The following FRMD3 variants were observed in gnomAD, a reference collection of about 807,000 sequenced individuals.
FRMD3 encodes FERM domain-containing protein 3.
FRMD3 carries 33 observed loss-of-function variants against 70.2 expected under a neutral mutation model. The ratio of observed to expected loss-of-function variants is 0.47; its 90% CI spans 0.36 to 0.63. The LOEUF (loss-of-function observed/expected upper bound fraction) is 0.63, where lower values mean the gene tolerates loss of function less well. Among genes scored for constraint, FRMD3 ranks in the 20% least tolerant of loss-of-function variants. FRMD3 has a pLI of 0.00. For missense variants in FRMD3, 632 were observed against 711.4 expected, an observed-to-expected ratio of 0.89 and a Z score of 1.27; for synonymous variants, 279 against 255.9, an observed-to-expected ratio of 1.09 and a Z score of -0.86.
At chr9:83,568,638 G>A in the FRMD3 span, among the ~76,000 whole-genome samples, 1,561 of 151,122 alleles carry the variant, frequency 0.01, 25 homozygotes, top group African/African-American at 0.035. Context: ...AGACGCTGTG[G>A]GGTGGAGAAG....
At chr9:83,553,335 A>G in the FRMD3 span, among the ~76,000 whole-genome samples, 1 of 152,204 alleles carries the variant, frequency 6.6e-6, no homozygotes, top group African/African-American at 2.4e-5. Context: ...TTCAGCTGAA[A>G]GATCAGCTGT....
intron 1 of FRMD3, among the ~76,000 whole-genome samples, chr9:83,402,975 C>T (rs1163173058): frequency 1.5e-5 from 2 of 136,392 alleles, no homozygotes; most frequent in Non-Finnish European, 3.0e-5. Flanking sequence ...GCGATCTTGG[C>T]TCACTGCAAC....
At chr9:83,333,354 A>G (rs1823457703) in intron 6 of FRMD3, among the ~76,000 whole-genome samples, 2 of 152,212 alleles carry the variant, frequency 1.3e-5, no homozygotes, top group Non-Finnish European at 2.9e-5. Context: ...CTTTGATCAA[A>G]CCACAGAACT....
At chr9:83,357,105 TCC>T (rs1824372076) in intron 3 of FRMD3, among the ~76,000 whole-genome samples, 1 of 134,874 alleles carries the variant, frequency 7.4e-6, no homozygotes, top group African/African-American at 3.4e-5. Context: ...TATATATCTA[TCC>T]ATCATGGTAA....
intron 6 of FRMD3, among the ~76,000 whole-genome samples, chr9:83,317,730 A>G (rs1835640425): frequency 6.6e-6 from 1 of 152,136 alleles, no homozygotes; most frequent in Non-Finnish European, 1.5e-5. Context: ...ATGAGCATCT[A>G]ATTTCCAATC....
the FRMD3 span, among the ~76,000 whole-genome samples, chr9:83,559,511 C>T: frequency 2.6e-5 from 4 of 152,162 alleles, no homozygotes; most frequent in Non-Finnish European, 2.9e-5. Context: ...GAACCAAACC[C>T]ACAATATCTC....
intron 1 of FRMD3, among the ~76,000 whole-genome samples, chr9:83,445,509 C>G (rs1276868933): frequency 6.6e-6 from 1 of 152,200 alleles, no homozygotes; most frequent in Non-Finnish European, 1.5e-5. Flanking sequence ...AGCTGCATGA[C>G]AGCTCACATT....
chr9:83,522,393 T>C, intron 1 of FRMD3, among the ~76,000 whole-genome samples: 1 of 151,962 alleles, frequency 6.6e-6, no homozygotes, highest in East Asian at 1.9e-4. Flanking sequence ...CTTCAGCGGC[T>C]GGGGGGGCAG....
chr9:83,378,793 TA>T (rs1825260015), intron 2 of FRMD3, among the ~76,000 whole-genome samples: 1 of 73,596 alleles, frequency 1.4e-5, no homozygotes, highest in African/African-American at 5.4e-5. Flanking sequence ...TATATATGTA[TA>T]ATTTATATAT....
chr9:83,585,682 A>G, the FRMD3 span, among the ~76,000 whole-genome samples: 54 of 152,362 alleles, frequency 3.5e-4, no homozygotes, highest in African/African-American at 1.2e-3. Context: ...GATTATGTGC[A>G]ACTACCATCC....
At chr9:83,488,626 T>A (rs1828739628) in intron 1 of FRMD3, among the ~76,000 whole-genome samples, 1 of 152,158 alleles carries the variant, frequency 6.6e-6, no homozygotes, top group African/African-American at 2.4e-5. Flanking sequence ...TATTTCACAC[T>A]CAAAATTCAC....
chr9:83,249,145 C>T (rs1407429763), intron 13 of FRMD3, among the ~76,000 whole-genome samples: 1 of 152,044 alleles, frequency 6.6e-6, no homozygotes, highest in Non-Finnish European at 1.5e-5. Context: ...AATTAGTTGC[C>T]TATTGTCAAA....
At chr9:83,461,337 T>C (rs1827964702) in intron 1 of FRMD3, among the ~76,000 whole-genome samples, 1 of 152,182 alleles carries the variant, frequency 6.6e-6, no homozygotes, top group South Asian at 2.1e-4. Context: ...CCCCTAGAGC[T>C]TCCAGAAGGA....
chr9:83,414,102 G>A (rs1009442672), intron 1 of FRMD3, among the ~76,000 whole-genome samples: 2 of 152,122 alleles, frequency 1.3e-5, no homozygotes, highest in Non-Finnish European at 2.9e-5. Flanking sequence ...CAAATCTATA[G>A]AGACAGAAAG....
chr9:83,311,602 C>T (rs1037602716), intron 8 of FRMD3, among the ~76,000 whole-genome samples: 1 of 152,042 alleles, frequency 6.6e-6, no homozygotes, highest in African/African-American at 2.4e-5. Flanking sequence ...CATCCGTGTG[C>T]CCCCCTTGGC....
At chr9:83,405,991 T>A (rs1826091414) in intron 1 of FRMD3, among the ~76,000 whole-genome samples, 1 of 152,166 alleles carries the variant, frequency 6.6e-6, no homozygotes, top group African/African-American at 2.4e-5. Context: ...AATTTCTTTT[T>A]TTTTTCCAGC....
intron 13 of FRMD3, among the ~76,000 whole-genome samples, chr9:83,255,475 C>G (rs1832662519): frequency 6.7e-6 from 1 of 148,560 alleles, no homozygotes; most frequent in African/African-American, 2.4e-5. Context: ...CAGCACAAGA[C>G]AAGGATGCCC....
At chr9:83,473,643 C>T (rs1587888858) in intron 1 of FRMD3, among the ~76,000 whole-genome samples, 1 of 152,278 alleles carries the variant, frequency 6.6e-6, no homozygotes, top group Non-Finnish European at 1.5e-5. Flanking sequence ...CATACACTTT[C>T]GCCAACAAGA....
chr9:83,357,278 TATATATA>T (rs1357641332), intron 3 of FRMD3, among the ~76,000 whole-genome samples: 8 of 66,120 alleles, frequency 1.2e-4, no homozygotes, highest in Admixed American at 5.7e-4. Flanking sequence ...TATATATATA[TATATATA>T]TATATATATA....
Sources: gnomAD v4.1 joint callset for allele counts (sites outside exome capture counted in the v4.1 genomes callset) on GRCh38, gnomAD v4.1.1 for gene constraint, MANE v1.5 for transcripts, NCBI Gene and HGNC (gene_info 2026-07-23, HGNC 2026-07-21) for gene names.